Variants in SHISA9 observed in about 807,000 individuals in gnomAD.
SHISA9 encodes shisa family member 9.
Under a neutral mutation model 38.0 loss-of-function variants are expected in SHISA9, and 13 were observed. The ratio of observed to expected loss-of-function variants is 0.34; its 90% CI spans 0.22 to 0.54. The LOEUF (loss-of-function observed/expected upper bound fraction) is 0.54. Among genes scored for constraint, SHISA9 ranks in the 20% least tolerant of loss-of-function variants. SHISA9 has a pLI of 0.91. For missense variants in SHISA9, 538 were observed against 575.8 expected (o/e 0.93, Z 0.67); for synonymous variants, 275 against 242.0 (o/e 1.14, Z -1.27).
intron 1 of SHISA9, among the ~76,000 whole-genome samples, chr16:12,904,072 A>G (rs1041807193): frequency 5.9e-5 from 9 of 152,116 alleles, no homozygotes; most frequent in African/African-American, 1.9e-4. Context: ...GGGGCTTCAA[A>G]GAAACCCTGA....
intron 2 of SHISA9, among the ~76,000 whole-genome samples, chr16:13,054,642 G>A (rs1358519019): frequency 6.6e-6 from 1 of 152,224 alleles, no homozygotes; most frequent in Admixed American, 6.5e-5. Flanking sequence ...CTCCTCTTGA[G>A]ATGGTTGATA....
the SHISA9 span, among the ~76,000 whole-genome samples, chr16:13,494,304 C>G: frequency 6.6e-6 from 1 of 152,096 alleles, no homozygotes; most frequent in Admixed American, 6.5e-5. Context: ...AGCCTTTCAT[C>G]AAAGGTCTGA....
intron 2 of SHISA9, among the ~76,000 whole-genome samples, chr16:13,117,687 G>A (rs204038): frequency 0.22 from 33,225 of 152,124 alleles, 4,185 homozygotes; most frequent in Admixed American, 0.29. Flanking sequence ...CTAGAGCCTT[G>A]GGAAGGGGCA....
At chr16:13,444,483 G>A in the SHISA9 span, among the ~76,000 whole-genome samples, 1 of 151,526 alleles carries the variant, frequency 6.6e-6, no homozygotes, top group African/African-American at 2.4e-5. Context: ...AAGGGAGGAA[G>A]GGGAAAGTCT....
At chr16:13,478,283 C>G in the SHISA9 span, among the ~76,000 whole-genome samples, 1 of 148,586 alleles carries the variant, frequency 6.7e-6, no homozygotes, top group African/African-American at 2.5e-5. Context: ...CCAAAGCTCA[C>G]CTCTTAGTGC....
the SHISA9 span, among the ~76,000 whole-genome samples, chr16:13,552,012 A>G: frequency 1.3e-5 from 2 of 152,204 alleles, no homozygotes; most frequent in African/African-American, 4.8e-5. Flanking sequence ...GGGTAACAGA[A>G]CGAGACTCCA....
At chr16:13,454,115 T>G in the SHISA9 span, among the ~76,000 whole-genome samples, 1 of 152,192 alleles carries the variant, frequency 6.6e-6, no homozygotes, top group Admixed American at 6.5e-5. Flanking sequence ...ATGGGCTAGC[T>G]GTAAGGAGAT....
In SHISA9 at chr16:12,996,067, C is replaced by G. The variant is rs550676322; in HGVS notation, c.691+79252C>G. Reference sequence around the variant, plus strand: ...AGCTCAGTTTTCTGGATCCAGGACACAAAGGGGTGATGTACACGTGCCTCT... The same window carrying G: ...AGCTCAGTTTTCTGGATCCAGGACAGAAAGGGGTGATGTACACGTGCCTCT... On this transcript the variant is annotated intron_variant, in intron 2 of 4. Coordinates refer to ENST00000558583, the MANE Select transcript of SHISA9 (RefSeq NM_001145204.3). Among the ~76,000 whole-genome samples the G allele has an allele frequency of 5.9e-5, 9 of 152,304 alleles. No homozygotes were observed. In the South Asian group the frequency reaches 8.3e-4, roughly 14 times the overall value.
the SHISA9 span, among the ~76,000 whole-genome samples, chr16:13,247,536 C>A: frequency 6.6e-6 from 1 of 152,160 alleles, no homozygotes; most frequent in Admixed American, 6.5e-5. Context: ...ACTTAACCCT[C>A]TCAAAGTTCC....
intron 2 of SHISA9, among the ~76,000 whole-genome samples, chr16:13,056,454 G>A (rs532330461): frequency 1.3e-5 from 2 of 152,230 alleles, no homozygotes; most frequent in South Asian, 4.1e-4. Context: ...TCTTTATGTT[G>A]GAATCACCTA....
the SHISA9 span, among the ~76,000 whole-genome samples, chr16:13,415,345 A>G: frequency 6.6e-6 from 1 of 152,210 alleles, no homozygotes; most frequent in African/African-American, 2.4e-5. Context: ...CAAAAAACCA[A>G]ATACCACATG....
intron 2 of SHISA9, among the ~76,000 whole-genome samples, chr16:13,151,535 T>C (rs2050499583): frequency 6.6e-6 from 1 of 152,198 alleles, no homozygotes; most frequent in Non-Finnish European, 1.5e-5. Context: ...TGTGTCTGGA[T>C]ATATCTTATC....
intron 2 of SHISA9, among the ~76,000 whole-genome samples, chr16:12,959,469 C>G (rs930348323): frequency 1.1e-4 from 16 of 152,196 alleles, no homozygotes; most frequent in Admixed American, 3.9e-4. Context: ...GGAATCACCC[C>G]TCTACTGTCC....
intron 2 of SHISA9, among the ~76,000 whole-genome samples, chr16:13,100,865 G>A (rs80172784): frequency 6.6e-6 from 1 of 152,044 alleles, no homozygotes; most frequent in South Asian, 2.1e-4. Flanking sequence ...GAGCCACCAC[G>A]CCTGGCTAAT....
chr16:13,427,668 GGA>G, the SHISA9 span, among the ~76,000 whole-genome samples: 1 of 152,116 alleles, frequency 6.6e-6, no homozygotes, highest in African/African-American at 2.4e-5. Context: ...CAGTGTGGCT[GGA>G]GAGAGAGAGG....
At chr16:12,914,050 T>C (rs1175551135) in intron 1 of SHISA9, among the ~76,000 whole-genome samples, 4 of 129,532 alleles carry the variant, frequency 3.1e-5, no homozygotes, top group African/African-American at 1.3e-4. Flanking sequence ...GTTTTTCTTT[T>C]TTTTTTTTTT....
At chr16:13,405,412 G>A in the SHISA9 span, among the ~76,000 whole-genome samples, 1 of 152,182 alleles carries the variant, frequency 6.6e-6, no homozygotes, top group East Asian at 1.9e-4. Flanking sequence ...CTGGAAATCA[G>A]CCGCTCTGCA....
chr16:13,168,470 T>A (rs969577243), intron 2 of SHISA9, among the ~76,000 whole-genome samples: 1 of 152,118 alleles, frequency 6.6e-6, no homozygotes, highest in Non-Finnish European at 1.5e-5. Flanking sequence ...TTGGCCAACA[T>A]ATAATCACAT....
chr16:13,172,532 C>T lies in SHISA9; in HGVS notation c.692-30862C>T, dbSNP rs2050695380. Among the ~76,000 whole-genome samples, 5 of 152,210 alleles carry T rather than the reference C, an allele frequency of 3.3e-5. No homozygotes were observed. The South Asian group carries it at 1.0e-3, about 32-fold the overall frequency. On this transcript the variant is annotated intron_variant, in intron 2 of 4. Transcript: ENST00000558583. ...GACTTTGGTCTTGACTATTTCCTCTCTGTGTCACCATCTAGGGCTCCTCAG... is the reference window on the plus strand; with the variant it reads ...GACTTTGGTCTTGACTATTTCCTCTTTGTGTCACCATCTAGGGCTCCTCAG...
Sources: allele counts gnomAD v4.1 joint callset (sites outside exome capture counted in the v4.1 genomes callset), GRCh38; gene constraint gnomAD v4.1.1; transcripts MANE v1.5; gene names NCBI Gene and HGNC (gene_info 2026-07-23, HGNC 2026-07-21).